The following BRINP1 variants were observed in gnomAD, a reference collection of about 807,000 sequenced individuals.
BRINP1 encodes the protein BMP/retinoic acid-inducible neural-specific protein 1.
In BRINP1, 17 loss-of-function variants were observed where a neutral mutation model predicts 72.9. That is an observed-to-expected ratio of 0.23 (90% confidence interval 0.16 to 0.35). The LOEUF is 0.35. BRINP1 is among the 10% of genes least tolerant of loss of function. The pLI is 1.00. For missense variants in BRINP1, 850 were observed against 1,001.6 expected (o/e 0.85, Z 2.04); for synonymous variants, 418 against 378.5 (o/e 1.10, Z -1.21).
intron 5 of BRINP1, among the ~76,000 whole-genome samples, chr9:119,234,197 G>A (rs1394615603): frequency 6.6e-6 from 1 of 152,152 alleles, no homozygotes; most frequent in East Asian, 1.9e-4. Context: ...ACACTGCCAA[G>A]AATTTTCCGA....
In BRINP1 at chr9:119,365,340, T is replaced by C. The variant is rs1300309728; in HGVS notation, c.-51+3716A>G. On this transcript the variant is annotated intron_variant, in intron 1 of 7. Transcript: ENST00000265922. ...AAGGGAGCACAACTGGAAAAATTAT[T>C]TGAAGAATGACATTTAAGGACCTGT... Among the ~76,000 whole-genome samples, 4 of 152,234 alleles carry C rather than the reference T, an allele frequency of 2.6e-5. No homozygotes were observed. In the East Asian group the frequency reaches 7.7e-4, roughly 29 times the overall value.
intron 5 of BRINP1, among the ~76,000 whole-genome samples, chr9:119,219,649 GA>G (rs1830017625): frequency 2.3e-4 from 1 of 4,392 alleles, no homozygotes. Flanking sequence ...TGTTTACTGA[GA>G]GAGAGAGAGA....
chr9:119,194,895 T>C (rs965058522), intron 7 of BRINP1, among the ~76,000 whole-genome samples: 2 of 152,146 alleles, frequency 1.3e-5, no homozygotes, highest in African/African-American at 4.8e-5. Flanking sequence ...AACTATAACA[T>C]AATAAATCTA....
intron 3 of BRINP1, among the ~76,000 whole-genome samples, chr9:119,248,333 C>A (rs931762657): frequency 2.6e-5 from 4 of 152,212 alleles, no homozygotes; most frequent in African/African-American, 9.6e-5. Flanking sequence ...TGCATTCAGG[C>A]AAGATCCACA....
intron 2 of BRINP1, among the ~76,000 whole-genome samples, chr9:119,299,103 A>G (rs1436064365): frequency 2.0e-5 from 3 of 152,152 alleles, no homozygotes; most frequent in East Asian, 1.9e-4. Context: ...CACATTTTCA[A>G]GTGTACAATC....
At chr9:119,322,413 C>G (rs1476427391) in intron 1 of BRINP1, among the ~76,000 whole-genome samples, 1 of 152,148 alleles carries the variant, frequency 6.6e-6, no homozygotes, top group Non-Finnish European at 1.5e-5. Flanking sequence ...TTAAGGGAGT[C>G]GGGTTCATCC....
At chr9:119,241,031 T>C (rs891357978) in intron 4 of BRINP1, among the ~76,000 whole-genome samples, 5 of 152,260 alleles carry the variant, frequency 3.3e-5, no homozygotes, top group Non-Finnish European at 1.5e-5. Flanking sequence ...ATTCGCTTTA[T>C]AGAGGCTGTC....
chr9:119,262,594 C>T (rs1016221607), intron 2 of BRINP1, among the ~76,000 whole-genome samples: 4 of 148,696 alleles, frequency 2.7e-5, no homozygotes, highest in African/African-American at 1.0e-4. Context: ...TGCAGTGAGC[C>T]GAGATCATGC....
chr9:119,297,295 A>G (rs1186573333), intron 2 of BRINP1, among the ~76,000 whole-genome samples: 1 of 152,212 alleles, frequency 6.6e-6, no homozygotes, highest in African/African-American at 2.4e-5. Context: ...GGTGGATGAT[A>G]CAGTGTTGAG....
chr9:119,275,502 G>C (rs1305815799), intron 2 of BRINP1, among the ~76,000 whole-genome samples: 1 of 152,154 alleles, frequency 6.6e-6, no homozygotes. Flanking sequence ...CCCAACTGAT[G>C]GTTCTAAGAA....
chr9:119,268,297 TAG>T (rs1830574862), intron 2 of BRINP1, among the ~76,000 whole-genome samples: 2 of 95,210 alleles, frequency 2.1e-5, no homozygotes, highest in African/African-American at 6.0e-5. Flanking sequence ...GATAGATAGA[TAG>T]ATAAAAGTGT....
intron 1 of BRINP1, among the ~76,000 whole-genome samples, chr9:119,329,721 A>G (rs1196807772): frequency 6.6e-6 from 1 of 152,242 alleles, no homozygotes; most frequent in Admixed American, 6.5e-5. Flanking sequence ...AGGTAACACC[A>G]GTAAATTATT....
chr9:119,289,342 G>A (rs974681361), intron 2 of BRINP1, among the ~76,000 whole-genome samples: 1 of 152,154 alleles, frequency 6.6e-6, no homozygotes, highest in African/African-American at 2.4e-5. Context: ...CCTGTAAGAC[G>A]ATGAAGAACT....
intron 7 of BRINP1, among the ~76,000 whole-genome samples, chr9:119,184,420 ATAGT>A (rs1250329499): frequency 6.6e-6 from 1 of 152,128 alleles, no homozygotes; most frequent in Non-Finnish European, 1.5e-5. Context: ...TCATTGCCAC[ATAGT>A]TAGAAGGACA....
At chr9:119,265,445 A>T (rs1221134) in intron 2 of BRINP1, among the ~76,000 whole-genome samples, 120,720 of 150,920 alleles carry the variant, frequency 0.8, 51,662 homozygotes, top group East Asian at 0.99. Flanking sequence ...TACTAAAAAT[A>T]AAAAAAAAAA....
At position 119,325,671 on chromosome 9, in the gene BRINP1, G is replaced by C. The variant is rs559086985; in HGVS notation, c.-50-12266C>G. 3.9e-5 allele frequency among the ~76,000 whole-genome samples: 6 copies of C among 152,210 alleles called. No individual in the cohort carries two copies. The South Asian group carries it at 1.2e-3, about 32-fold the overall frequency. On this transcript the variant is annotated intron_variant, in intron 1 of 7. Transcript: ENST00000265922. ...CTACTGGTCGTCTTGCTTCATGTCT[G>C]TCTACCACCTCCATCCTAAGCCCTT...
intron 1 of BRINP1, among the ~76,000 whole-genome samples, chr9:119,343,210 C>T (rs1831421317): frequency 6.6e-6 from 1 of 152,120 alleles, no homozygotes; most frequent in African/African-American, 2.4e-5. Flanking sequence ...GGAGAAGGAC[C>T]CACAGCTGTA....
chr9:119,170,481 T>A (rs1024914588), intron 7 of BRINP1, among the ~76,000 whole-genome samples: 3 of 151,712 alleles, frequency 2.0e-5, no homozygotes, highest in Non-Finnish European at 4.4e-5. Context: ...TGGGACTATG[T>A]GAAAAGACCA....
chr9:119,219,643 T>G (rs1830017060), intron 5 of BRINP1, among the ~76,000 whole-genome samples: 1 of 130,332 alleles, frequency 7.7e-6, no homozygotes, highest in African/African-American at 3.0e-5. Flanking sequence ...TCTTACTGTT[T>G]ACTGAGAGAG....
Sources: gnomAD v4.1 joint callset for allele counts (sites outside exome capture counted in the v4.1 genomes callset) on GRCh38, gnomAD v4.1.1 for gene constraint, MANE v1.5 for transcripts, NCBI Gene and HGNC (gene_info 2026-07-23, HGNC 2026-07-21) for gene names.